Variants in CLASRP observed in about 807,000 individuals in gnomAD.
CLASRP encodes CLK4 associating serine/arginine rich protein, also known as CLK4-associating serine/arginine rich protein.
In CLASRP, 52 loss-of-function variants were observed where a neutral mutation model predicts 99.9. That is an observed-to-expected ratio of 0.52 (90% confidence interval 0.42 to 0.66). The LOEUF (loss-of-function observed/expected upper bound fraction) is 0.66, where lower values mean the gene tolerates loss of function less well. CLASRP is among the 30% of genes least tolerant of loss of function. The probability of loss-of-function intolerance (pLI) is 0.00; values close to 1 mark genes in which losing one functional copy is unlikely to be tolerated. For missense variants in CLASRP, 848 were observed against 999.2 expected (o/e 0.85, Z 2.04); for synonymous variants, 379 against 373.0 (o/e 1.02, Z -0.18).
At chr19:45,064,903 C>T (rs114484705) in intron 13 of CLASRP, among the ~76,000 whole-genome samples, 2,028 of 152,258 alleles carry the variant, frequency 0.013, 41 homozygotes, top group African/African-American at 0.045. Flanking sequence ...GCATCTCTCT[C>T]TCCTCAGGAG....
intron 2 of CLASRP, chr19:45,040,586 G>A (rs1300579735): frequency 3.7e-5 from 11 of 294,316 alleles, no homozygotes; most frequent in South Asian, 1.1e-4. Context: ...CAGTCCTGAC[G>A]TTAGACTGGC....
chr19:45,059,587 T>A (rs1966892997), intron 8 of CLASRP, among the ~76,000 whole-genome samples: 2 of 152,224 alleles, frequency 1.3e-5, no homozygotes, highest in Admixed American at 1.3e-4. Flanking sequence ...CCCTACTTAG[T>A]GCGACCTGGG....
intron 18 of CLASRP, 55 bp from the exon 19 acceptor site, chr19:45,069,967 C>G (rs372859327): frequency 1.2e-4 from 116 of 997,888 alleles, no homozygotes; most frequent in South Asian, 8.5e-4. Context: ...CCTGCCCTCC[C>G]TGAGTTCAGT....
At chr19:45,068,326 C>CCCCCCCCCCCCAAA in intron 15 of CLASRP, 94 bp from the exon 16 acceptor site, 1 of 630,496 alleles carries the variant, frequency 1.6e-6, no homozygotes, top group South Asian at 1.9e-5. Context: ...CCCCCACCCC[C>CCCCCCCCCCCCAAA]CCCCCGCACA....
At chr19:45,064,255 A>C (rs1339811761) in intron 12 of CLASRP, 28 bp downstream of exon 12, 1 of 1,552,196 alleles carries the variant, frequency 6.4e-7, no homozygotes, top group Non-Finnish European at 8.7e-7. Context: ...CGCCCGCCCT[A>C]CGCCCCGGTC....
At chr19:45,049,518 T>G (rs775516191) in intron 2 of CLASRP, among the ~76,000 whole-genome samples, 2 of 151,968 alleles carry the variant, frequency 1.3e-5, no homozygotes, top group Non-Finnish European at 2.9e-5. Context: ...ACATAGTGAG[T>G]GCGGGGTTGA....
intron 2 of CLASRP, among the ~76,000 whole-genome samples, chr19:45,041,795 AC>A (rs1308765392): frequency 1.3e-5 from 2 of 152,054 alleles, no homozygotes; most frequent in Non-Finnish European, 2.9e-5. Flanking sequence ...CTCCAGACTC[AC>A]ACCACCCCAC....
chr19:45,045,447 G>A (rs1971897900), intron 2 of CLASRP, among the ~76,000 whole-genome samples: 1 of 152,176 alleles, frequency 6.6e-6, no homozygotes, highest in Non-Finnish European at 1.5e-5. Flanking sequence ...AACCCAGGAG[G>A]TGGAGGCTGC....
chr19:45,058,849 C>T (rs1208730740), intron 7 of CLASRP, among the ~76,000 whole-genome samples: 2 of 151,898 alleles, frequency 1.3e-5, no homozygotes, highest in African/African-American at 2.4e-5. Flanking sequence ...CCTGTTCAGT[C>T]CTCCCTCTCA....
rs1437388225 is a variant in CLASRP, at chr19:45,067,415, C to T, written c.1488C>T (p.Ser496=). The T allele has an allele frequency of 1.3e-6, 2 of 1,533,830 alleles. No homozygotes were observed. The highest frequency in any genetic ancestry group is 1.7e-6 in the Non-Finnish European group (2 of 1,143,278). ...LRHHSSSRSR[S]SWSLSPSRSR... ...ACCACAGCAGTAGCCGCAGCCGCAG[C>T]AGCTGGTCCCTCAGCCCGTCCCGCA... The change falls in exon 14 of 21, where the codon AGC becomes AGT. Residue 496 remains serine (S), a synonymous_variant. Transcript: ENST00000221455. This position sits in a 1 kb window ranked among gnomAD's most constrained non-coding sequence, Gnocchi z 4.9.
At chr19:45,068,323 C>G in intron 15 of CLASRP, 97 bp from the exon 16 acceptor site, 1 of 568,522 alleles carries the variant, frequency 1.8e-6, no homozygotes, top group East Asian at 2.9e-5. Context: ...CCCCCCCCAC[C>G]CCCCCCCCGC....
At chr19:45,061,969 T>C (rs1966948537) in intron 10 of CLASRP, among the ~76,000 whole-genome samples, 185 bp from the exon 11 acceptor site, 1 of 148,772 alleles carries the variant, frequency 6.7e-6, no homozygotes, top group African/African-American at 2.5e-5. Context: ...CTTAAGTTCA[T>C]GCTTTGGACA....
intron 5 of CLASRP, among the ~76,000 whole-genome samples, chr19:45,055,938 G>A (rs938413285): frequency 6.6e-6 from 1 of 152,328 alleles, no homozygotes; most frequent in African/African-American, 2.4e-5. Context: ...TCACTGCAGG[G>A]AAGATCAGGA....
intron 2 of CLASRP, among the ~76,000 whole-genome samples, chr19:45,047,003 GACA>G (rs1971929730): frequency 6.6e-6 from 1 of 151,996 alleles, no homozygotes; most frequent in African/African-American, 2.4e-5. Context: ...GCCCAGCCTG[GACA>G]ACAAGAGCAA....
chr19:45,055,160 A>G (rs1027842315), intron 5 of CLASRP, among the ~76,000 whole-genome samples: 1 of 152,242 alleles, frequency 6.6e-6, no homozygotes, highest in African/African-American at 2.4e-5. Flanking sequence ...AGAGGGCAGC[A>G]GCTCCATAAT....
In CLASRP at chr19:45,066,685, C is replaced by T. The variant is rs77288402; in HGVS notation, c.1410-652C>T. 6.6e-3 allele frequency among the ~76,000 whole-genome samples: 988 copies of T among 148,950 alleles called. 14 individuals carry two copies. Among genetic ancestry groups the T allele is most frequent in the African/African-American group, 0.023 (947 of 40,428 alleles). ...GAGTCAGCGTGTGGCCCAGAATTGG[C>T]TTCCAGGTCATATATTCCTTGTAGC... On this transcript the variant is annotated intron_variant, in intron 13 of 20. Transcript: ENST00000221455.
At chr19:45,055,716 C>T (rs189769826) in intron 5 of CLASRP, among the ~76,000 whole-genome samples, 72 of 152,180 alleles carry the variant, frequency 4.7e-4, no homozygotes, top group African/African-American at 1.7e-3. Flanking sequence ...GCCTGTAATC[C>T]CAGCTACTGG....
At position 45,060,849 on chromosome 19, in the gene CLASRP, G is replaced by A. The variant is rs1966923777; in HGVS notation, c.863+222G>A. Among the ~76,000 whole-genome samples, 2 of 152,324 alleles carry A rather than the reference G, an allele frequency of 1.3e-5. No homozygotes were observed. The highest frequency in any genetic ancestry group is 4.1e-4 in the South Asian group (2 of 4,828). ...CCCTCCCCTCACCCTACTGGACTGGGGGCCCTTGCCAGACTCCCAGGAGCC... is the reference window on the plus strand; with the variant it reads ...CCCTCCCCTCACCCTACTGGACTGGAGGCCCTTGCCAGACTCCCAGGAGCC... On this transcript the variant is annotated intron_variant, in intron 10 of 20. Transcript: ENST00000221455. The surrounding 1 kb of genome is among the most constrained non-coding windows in gnomAD (Gnocchi z 4.6).
At chr19:45,044,672 G>A (rs1468405084) in intron 2 of CLASRP, among the ~76,000 whole-genome samples, 2 of 152,172 alleles carry the variant, frequency 1.3e-5, no homozygotes, top group Admixed American at 6.6e-5. Flanking sequence ...GGGAGGCTGA[G>A]GCAAGATGAG....
Sources: gnomAD v4.1 joint callset for allele counts (sites outside exome capture counted in the v4.1 genomes callset) on GRCh38, gnomAD v4.1.1 for gene constraint, Gnocchi (gnomAD v3.1) non-coding constraint, MANE v1.5 for transcripts, NCBI Gene and HGNC (gene_info 2026-07-23, HGNC 2026-07-21) for gene names.